Variants in EGFR observed in about 807,000 individuals in gnomAD.
EGFR encodes the protein avian erythroblastic leukemia viral (v-erb-b) oncogene homolog.
EGFR carries 58 observed loss-of-function variants against 143.0 expected under a neutral mutation model. The observed-to-expected ratio is 0.41, with a 90% CI of 0.33 to 0.50. EGFR has a LOEUF of 0.50. Among genes scored for constraint, EGFR ranks in the 20% least tolerant of loss-of-function variants. EGFR has a pLI of 0.39. For missense variants in EGFR, 1,307 were observed against 1,579.0 expected (o/e 0.83, Z 2.92); for synonymous variants, 613 against 594.4 (o/e 1.03, Z -0.45).
intron 4 of EGFR, among the ~76,000 whole-genome samples, chr7:55,148,617 TA>T (rs1273012420): frequency 2.0e-5 from 3 of 152,192 alleles, no homozygotes; most frequent in African/African-American, 2.4e-5. Flanking sequence ...ACTTAACTAT[TA>T]GGGGTGAAAA....
At chr7:55,112,232 A>AT (rs1357420424) in intron 1 of EGFR, among the ~76,000 whole-genome samples, 1 of 152,164 alleles carries the variant, frequency 6.6e-6, no homozygotes, top group African/African-American at 2.4e-5. Context: ...TAGCCACACG[A>AT]TTTAAGGGTG....
intron 1 of EGFR, among the ~76,000 whole-genome samples, chr7:55,130,059 G>C (rs527731440): frequency 6.6e-6 from 1 of 151,202 alleles, no homozygotes; most frequent in Non-Finnish European, 1.5e-5. Context: ...GGGACCATAT[G>C]ATGGGTGAAG....
At chr7:55,160,002 G>A in intron 11 of EGFR, 137 bp from the exon 12 acceptor site, 2 of 874,386 alleles carry the variant, frequency 2.3e-6, no homozygotes, top group Non-Finnish European at 3.6e-6. Flanking sequence ...GGTGCAGTGT[G>A]TGCCTCCCAC....
chr7:55,110,966 G>A (rs1792445662), intron 1 of EGFR, among the ~76,000 whole-genome samples: 1 of 152,278 alleles, frequency 6.6e-6, no homozygotes, highest in South Asian at 2.1e-4. Flanking sequence ...ATGGAGTTTT[G>A]GGGGTTTTCC....
At chr7:55,083,324 G>A (rs1475251208) in intron 1 of EGFR, among the ~76,000 whole-genome samples, 2 of 152,216 alleles carry the variant, frequency 1.3e-5, no homozygotes, top group African/African-American at 2.4e-5. Context: ...CAATCATCAT[G>A]TTCACTTCCT....
chr7:55,046,320 G>A (rs1698840430), intron 1 of EGFR, among the ~76,000 whole-genome samples: 1 of 152,122 alleles, frequency 6.6e-6, no homozygotes, highest in Non-Finnish European at 1.5e-5. Context: ...ACCATCTAGG[G>A]AAATGTGAAT....
At chr7:55,130,907 C>T (rs529867200) in intron 1 of EGFR, among the ~76,000 whole-genome samples, 7 of 152,346 alleles carry the variant, frequency 4.6e-5, no homozygotes, top group South Asian at 2.1e-4. Flanking sequence ...CCAGCTTCCC[C>T]GCTCCATGGT....
rs1786374080 is a variant in EGFR, at chr7:55,019,345, G to C, written c.68G>C (p.Arg23Pro). Residue 23 changes from arginine to proline, a missense_variant, in exon 1 of 28, where the codon CGG (arginine) becomes CCG (proline). By Grantham distance (103) the Arg-to-Pro change is moderately radical. Transcript: ENST00000275493. ...CTGGCTGCGCTCTGCCCGGCGAGTC[G>C]GGCTCTGGAGGAAAAGAAAGGTAAG... Reference protein sequence around the residue: ...ALLAALCPASRALEEKKVCQG... With the variant: ...ALLAALCPASPALEEKKVCQG... The C allele has an allele frequency of 6.6e-7, 1 of 1,513,998 alleles. No individual in the cohort carries two copies. Among genetic ancestry groups the C allele is most frequent in the Non-Finnish European group, 8.9e-7 (1 of 1,126,140 alleles). 93.8% of individuals were successfully genotyped at this position (1,513,998 alleles called of 1,614,324 possible).
rs201931685 is a variant in EGFR at position 55,204,168 on chromosome 7, TACAC to T, written c.3272-1084_3272-1081del. 7.5e-3 allele frequency among the ~76,000 whole-genome samples: 1,109 copies of T among 148,664 alleles called. 15 individuals carry two copies. The highest frequency in any genetic ancestry group is 0.025 in the African/African-American group (993 of 40,442). On this transcript the variant is annotated intron_variant, in intron 27 of 27. Coordinates refer to ENST00000275493, the MANE Select transcript of EGFR (RefSeq NM_005228.5). ...TACACACACCAACTACACACACACA[TACAC>T]ACAGACACACACGACACACACCATA... is the stretch of plus-strand genomic sequence containing the variant.
chr7:55,202,303 C>T lies in EGFR; in HGVS notation c.3163-214C>T, dbSNP rs1055978019. ...CGCTCATAGCACACCTCCCTCACTG[C>T]GGAAAGTTCTGCTGTACAGCACCCA... On this transcript the variant is annotated intron_variant, in intron 26 of 27. Coordinates refer to ENST00000275493, the MANE Select transcript of EGFR (RefSeq NM_005228.5). 3.9e-5 allele frequency among the ~76,000 whole-genome samples: 6 copies of T among 152,222 alleles called. No homozygotes were observed. In the East Asian group the frequency reaches 9.6e-4, roughly 24 times the overall value.
At chr7:55,196,195 C>CTTTTTTTTTTTT (rs1331766673) in intron 22 of EGFR, among the ~76,000 whole-genome samples, 152 of 55,238 alleles carry the variant, frequency 2.8e-3, no homozygotes, top group Middle Eastern at 0.022. Flanking sequence ...TTTTTTTTTA[C>CTTTTTTTTTTTT]TTTTCAATAA....
At chr7:55,045,769 T>C (rs1583901801) in intron 1 of EGFR, among the ~76,000 whole-genome samples, 1 of 152,364 alleles carries the variant, frequency 6.6e-6, no homozygotes, top group South Asian at 2.1e-4. Context: ...ATTTTATTGC[T>C]GCAGCTGTTC....
intron 1 of EGFR, among the ~76,000 whole-genome samples, chr7:55,069,901 T>G (rs898329673): frequency 1.3e-5 from 2 of 152,136 alleles, no homozygotes; most frequent in Non-Finnish European, 2.9e-5. Flanking sequence ...TCATACACAC[T>G]TACACACACA....
At position 55,151,363 on chromosome 7, in the gene EGFR, G is replaced by C. The variant is rs1360336411; in HGVS notation, c.628+1G>C. The C allele has an allele frequency of 6.2e-7, 1 of 1,614,158 alleles. No homozygotes were observed. The highest frequency in any genetic ancestry group is 8.5e-7 in the Non-Finnish European group (1 of 1,180,004). On this transcript the variant is annotated splice_donor_variant, in intron 5 of 27. Coordinates refer to ENST00000275493, the MANE Select transcript of EGFR (RefSeq NM_005228.5). LOFTEE classifies it high-confidence loss of function. ...GCAGGAGAGGAGAACTGCCAGAAAC[G>C]TAAGTCAGTGAACAGCCTCAGACCC...
At position 55,206,478 on chromosome 7, in the gene EGFR, C is replaced by G. The variant is rs1583666963; in HGVS notation, c.*861C>G. 1 of 233,202 alleles carries G rather than the reference C, an allele frequency of 4.3e-6. No homozygotes were observed. Among genetic ancestry groups the G allele is most frequent in the Non-Finnish European group, 8.5e-6 (1 of 118,092 alleles). The allele number at this position is 233,202 out of a possible 1,614,324, so 14.4% of individuals were successfully genotyped here. ...TTCCAGCCCACATTGGATTCATCAGCATTTGGACCAATAGCCCACAGCTGA... is the reference window on the plus strand; with the variant it reads ...TTCCAGCCCACATTGGATTCATCAGGATTTGGACCAATAGCCCACAGCTGA... On this transcript the variant is annotated 3_prime_UTR_variant, in exon 28 of 28. Coordinates refer to ENST00000275493, the MANE Select transcript of EGFR (RefSeq NM_005228.5).
At position 55,101,564 on chromosome 7, in the gene EGFR, G is replaced by T. The variant is rs543449701; in HGVS notation, c.89-40722G>T. On this transcript the variant is annotated intron_variant, in intron 1 of 27. Transcript: ENST00000275493. ...CTTTTAAGGTGCAGTTGAATCAGGA[G>T]AAACTTGCCGCACATGCTGCGTCCG... is the stretch of plus-strand genomic sequence containing the variant. Among the ~76,000 whole-genome samples the T allele has an allele frequency of 2.0e-5, 3 of 152,290 alleles. No individual in the cohort carries two copies. In the East Asian group the frequency reaches 5.8e-4, roughly 29 times the overall value.
chr7:55,048,923 A>G (rs2128872980), intron 1 of EGFR, among the ~76,000 whole-genome samples: 1 of 152,340 alleles, frequency 6.6e-6, no homozygotes, highest in Middle Eastern at 3.4e-3. Flanking sequence ...ACAGAGCCCA[A>G]CTAGCTCAGT....
rs1052582656 is a variant in EGFR, at chr7:55,142,335, T to C, written c.138T>C (p.Asp46=). The C allele has an allele frequency of 3.1e-6, 5 of 1,614,240 alleles. No homozygotes were observed. The highest frequency in any genetic ancestry group is 4.2e-6 in the Non-Finnish European group (5 of 1,180,042). Residue 46 remains aspartate (D), a synonymous_variant, in exon 2 of 28, where the codon GAT becomes GAC. Coordinates refer to ENST00000275493, the MANE Select transcript of EGFR (RefSeq NM_005228.5). ...TCACGCAGTTGGGCACTTTTGAAGA[T>C]CATTTTCTCAGCCTCCAGAGGATGT... The part of the protein sequence containing the change: ...NKLTQLGTFE[D]HFLSLQRMFN...
intron 1 of EGFR, among the ~76,000 whole-genome samples, chr7:55,101,950 A>C (rs1791857727): frequency 6.6e-6 from 1 of 152,148 alleles, no homozygotes; most frequent in Admixed American, 6.5e-5. Context: ...TGAGGGGAAG[A>C]GGTTGTGCTA....
Sources: gnomAD v4.1 joint callset for allele counts (sites outside exome capture counted in the v4.1 genomes callset) on GRCh38, gnomAD v4.1.1 for gene constraint, MANE v1.5 for transcripts, NCBI Gene and HGNC (gene_info 2026-07-23, HGNC 2026-07-21) for gene names.